The following MYCBPAP variants were observed in gnomAD, a reference collection of about 807,000 sequenced individuals.
MYCBPAP encodes MYCBP-associated protein.
Under a neutral mutation model 106.1 loss-of-function variants are expected in MYCBPAP, and 60 were observed. That is an observed-to-expected ratio of 0.57 (90% CI 0.46 to 0.70). The LOEUF (loss-of-function observed/expected upper bound fraction) is 0.70. Ranked by LOEUF, MYCBPAP falls within the 30% of genes least tolerant of loss-of-function variation. MYCBPAP has a pLI of 0.00. For synonymous variants in MYCBPAP, 407 were observed against 440.6 expected, an observed-to-expected ratio of 0.92 and a Z score of 0.95; for missense variants, 1,064 against 1,169.3, an observed-to-expected ratio of 0.91 and a Z score of 1.31.
Position 50,512,075 on chromosome 17 carries a change from G to C in MYCBPAP, c.76+3325G>C, listed in dbSNP as rs564754591. Among the ~76,000 whole-genome samples the C allele has an allele frequency of 1.2e-3, 161 of 132,320 alleles. 1 individual carries two copies. Among genetic ancestry groups the C allele is most frequent in the Non-Finnish European group, 1.9e-3 (122 of 64,520 alleles). The allele number at this position is 132,320 out of a possible 152,430, so 86.8% of individuals were successfully genotyped here. On this transcript the variant is annotated intron_variant, in intron 1 of 18. Transcript: ENST00000323776. ...TTTCTTTTTTTTTTTTTTTTGAGAC[G>C]GAGTCTTGCTCTGTCGCCCAGGCTC...
At chr17:50,529,299 T>TC in intron 18 of MYCBPAP, 111 bp downstream of exon 18, 1 of 1,034,952 alleles carries the variant, frequency 9.7e-7, no homozygotes, top group Non-Finnish European at 1.4e-6. Context: ...CAGAGCTGCT[T>TC]CAGGAAGGGC....
In MYCBPAP at chr17:50,521,320, T is replaced by C. The variant is rs370888310; in HGVS notation, c.1037T>C (p.Ile346Thr). The stretch of plus-strand genomic sequence containing the variant: ...ACCTTTCTCCATCTCTCGGAGGATA[T>C]TGATGGCCTGGAGGTGGTGGGCAAA... ...MEELDFSQQD[I>T]DGLEVVGKGW... The change falls in exon 9 of 19, where the codon ATT becomes ACT. Residue 346 changes from isoleucine (I) to threonine (T), a missense_variant. Ile to Thr is a moderately conservative substitution (Grantham distance 89, BLOSUM62 -1). Coordinates refer to ENST00000323776, the MANE Select transcript of MYCBPAP (RefSeq NM_032133.6). 84 of 1,601,550 alleles carry C rather than the reference T, an allele frequency of 5.2e-5. No homozygotes were observed. The African/African-American group carries it at 9.5e-4, about 18-fold the overall frequency.
chr17:50,516,310 T>C (rs983220742), intron 1 of MYCBPAP, among the ~76,000 whole-genome samples: 9 of 152,260 alleles, frequency 5.9e-5, no homozygotes, highest in African/African-American at 2.2e-4. Context: ...CATCTTCTGA[T>C]CTCAATTCTG....
At chr17:50,528,419 C>A (rs8067733) in intron 16 of MYCBPAP, 149 bp downstream of exon 16, 8 of 788,596 alleles carry the variant, frequency 1.0e-5, no homozygotes, top group Admixed American at 5.5e-5. Context: ...CCTTTCTGTC[C>A]GCTGCCAGGA....
intron 7 of MYCBPAP, among the ~76,000 whole-genome samples, chr17:50,520,814 A>G (rs1460213): frequency 0.77 from 117,403 of 152,160 alleles, 45,876 homozygotes; most frequent in African/African-American, 0.89. Context: ...GAGATATGAA[A>G]TGTATTAAGA....
At position 50,523,098 on chromosome 17, in the gene MYCBPAP, A is replaced by G. The variant is rs75203823; in HGVS notation, c.1417A>G (p.Met473Val). The G allele has an allele frequency of 7.5e-4, 1,215 of 1,613,906 alleles. 5 individuals are homozygous for G. The African/African-American group carries it at 8.5e-3, about 11-fold the overall frequency. Residue 473 changes from methionine (M) to valine (V), a missense_variant, in exon 11 of 19, where the codon ATG (methionine) becomes GTG (valine). Coordinates refer to ENST00000323776, the MANE Select transcript of MYCBPAP (RefSeq NM_032133.6). ...TTTCCAAGACCTTAAGAAAAACAGG[A>G]TGCAGCGATTTTACTTTGACAACCG... is the stretch of plus-strand genomic sequence containing the variant. ...DTFQDLKKNRMQRFYFDNREG... is the reference protein window; with the variant it reads ...DTFQDLKKNRVQRFYFDNREG...
Position 50,528,212 on chromosome 17 carries a change from G to T in MYCBPAP, c.2349G>T (p.Arg783Ser), listed in dbSNP as rs775892638. ...TGGTGGGCCATTCCATGTGGCTGAG[G>T]TCTGTGCTGGGCCTGCCTGAGAAGG... ...DSLVGHSMWL[R>S]SVLGLPEKET... Residue 783 changes from arginine (R) to serine (S), a missense_variant, in exon 16 of 19, where the codon AGG becomes AGT. Physicochemically the swap from Arg to Ser is moderately radical, Grantham distance 110. Coordinates refer to ENST00000323776, the MANE Select transcript of MYCBPAP (RefSeq NM_032133.6). 2.5e-6 allele frequency: 4 copies of T among 1,614,070 alleles called. No individual in the cohort carries two copies. The highest frequency in any genetic ancestry group is 1.3e-5 in the African/African-American group (1 of 74,938).
At position 50,528,173 on chromosome 17, in the gene MYCBPAP, T is replaced by A; in HGVS notation, c.2310T>A (p.Asp770Glu). Residue 770 changes from aspartate (D) to glutamate (E), a missense_variant, in exon 16 of 19, where the codon GAT (aspartate) becomes GAA (glutamate). By Grantham distance (45) the Asp-to-Glu change is conservative. Transcript: ENST00000323776. ...LHQMCLQLWR[D>E]VIDSLVGHSM... ...CCTCTAGTTTGCAGCTGTGGCGAGA[T>A]GTGATTGACAGCCTGGTGGGCCATT... 2 of 1,614,150 alleles carry A rather than the reference T, an allele frequency of 1.2e-6. No homozygotes were observed. Among genetic ancestry groups the A allele is most frequent in the Non-Finnish European group, 1.7e-6 (2 of 1,180,014 alleles).
intron 6 of MYCBPAP, 84 bp downstream of exon 6, chr17:50,519,173 T>C (rs2034167166): frequency 1.1e-6 from 1 of 945,688 alleles, no homozygotes; most frequent in African/African-American, 1.6e-5. Context: ...ACAGGGATGC[T>C]GGTCTCAGGT....
At chr17:50,514,033 ATTT>A (rs2033954464) in intron 1 of MYCBPAP, among the ~76,000 whole-genome samples, 1 of 152,248 alleles carries the variant, frequency 6.6e-6, no homozygotes, top group Non-Finnish European at 1.5e-5. Context: ...GATAGGCTGA[ATTT>A]ATTATTTTTT....
At chr17:50,528,984 C>T in intron 17 of MYCBPAP, 34 bp from the exon 18 acceptor site, 1 of 1,607,230 alleles carries the variant, frequency 6.2e-7, no homozygotes, top group Non-Finnish European at 8.5e-7. Context: ...CTCTGGAGCT[C>T]CTGAAGGCTA....
At chr17:50,515,213 C>T (rs2034002977) in intron 1 of MYCBPAP, among the ~76,000 whole-genome samples, 1 of 152,018 alleles carries the variant, frequency 6.6e-6, no homozygotes, top group African/African-American at 2.4e-5. Context: ...CCTGACTCCC[C>T]CACCTCCCAC....
chr17:50,517,681 G>A lies in MYCBPAP; in HGVS notation c.451G>A (p.Ala151Thr), dbSNP rs2034103560. The stretch of plus-strand genomic sequence containing the variant: ...CCAGGATTTTAAGAGAATTGCACTT[G>A]CTCGAGGGAACACCCAGGTTTGTTT... The part of the protein sequence containing the change: ...SLQDFKRIAL[A>T]RGNTQLAERI... The change falls in exon 4 of 19, where the codon GCT becomes ACT. Residue 151 changes from alanine (A) to threonine (T), a missense_variant. Ala to Thr is a moderately conservative substitution (Grantham distance 58, BLOSUM62 0). Coordinates refer to ENST00000323776, the MANE Select transcript of MYCBPAP (RefSeq NM_032133.6). 3.1e-6 allele frequency: 5 copies of A among 1,613,954 alleles called. No individual in the cohort carries two copies. The South Asian group carries it at 4.4e-5, about 14-fold the overall frequency.
rs758435098 is a variant in MYCBPAP at position 50,528,710 on chromosome 17, C to T, written c.2423C>T (p.Pro808Leu). 1 of 1,613,824 alleles carries T rather than the reference C, an allele frequency of 6.2e-7. No individual in the cohort carries two copies. The highest frequency in any genetic ancestry group is 8.5e-7 in the Non-Finnish European group (1 of 1,179,880). Residue 808 changes from proline to leucine, a missense_variant, in exon 17 of 19, where the codon CCT becomes CTT. Pro to Leu is a moderately conservative substitution (Grantham distance 98). Coordinates refer to ENST00000323776, the MANE Select transcript of MYCBPAP (RefSeq NM_032133.6). The part of the protein sequence containing the change: ...VPEEQDQKSP[P>L]IMEVKVPVGK... Reference sequence around the variant, plus strand: ...CCTCCCTTAGATCAAAAATCACCTCCTATCATGGAAGTGAAGGTACCTGTG... The same window carrying T: ...CCTCCCTTAGATCAAAAATCACCTCTTATCATGGAAGTGAAGGTACCTGTG...
chr17:50,526,302 A>G (rs748781715), intron 14 of MYCBPAP, 35 bp downstream of exon 14: 1 of 1,543,946 alleles, frequency 6.5e-7, no homozygotes, highest in Non-Finnish European at 8.7e-7. Context: ...ATGGTAGAGA[A>G]TATTCCTGCC....
chr17:50,508,312 C>T (rs1308830242), upstream of MYCBPAP: 1 of 456,006 alleles, frequency 2.2e-6, no homozygotes, highest in Non-Finnish European at 3.8e-6. Flanking sequence ...CAGCCAGCCA[C>T]TCCCACCCAG....
chr17:50,526,410 C>CTATTTATTTATTTATT lies in MYCBPAP; in HGVS notation c.2169+146_2169+147insTTATTTATTTATTTAT, dbSNP rs773616077. On this transcript the variant is annotated intron_variant, in intron 14 of 18. Coordinates refer to ENST00000323776, the MANE Select transcript of MYCBPAP (RefSeq NM_032133.6). ...GAAAGTGATCTCTTGGGTTATCTAT[C>CTATTTATTTATTTATT]TATCTATTTATTTATTTATTTATTT... 6 of 378,136 alleles carry CTATTTATTTATTTATT rather than the reference C, an allele frequency of 1.6e-5. No individual in the cohort carries two copies. The African/African-American group carries it at 2.2e-4, about 14-fold the overall frequency. The allele number at this position is 378,136 out of a possible 1,614,324, so 23.4% of individuals were successfully genotyped here. A position where few individuals can be genotyped will look rare whatever the true frequency, so the allele number is the denominator to read the frequency against.
intron 1 of MYCBPAP, among the ~76,000 whole-genome samples, chr17:50,512,361 A>G (rs1034076675): frequency 6.6e-6 from 1 of 152,058 alleles, no homozygotes; most frequent in Non-Finnish European, 1.5e-5. Flanking sequence ...GCCCCCCAGC[A>G]AGTTTTCTGT....
At chr17:50,519,913 G>A in intron 7 of MYCBPAP, 126 bp downstream of exon 7, 1 of 1,024,090 alleles carries the variant, frequency 9.8e-7, no homozygotes, top group Non-Finnish European at 1.4e-6. Flanking sequence ...GGTTCTCTGG[G>A]GTCTTAGGCA....
Sources: gnomAD v4.1 joint callset for allele counts (sites outside exome capture counted in the v4.1 genomes callset) on GRCh38, gnomAD v4.1.1 for gene constraint, MANE v1.5 for transcripts, NCBI Gene and HGNC (gene_info 2026-07-23, HGNC 2026-07-21) for gene names.